Variants in PDE4A observed in about 807,000 individuals in gnomAD.
PDE4A encodes the protein 3',5'-cyclic-AMP phosphodiesterase 4A.
In PDE4A, 21 loss-of-function variants were observed where a neutral mutation model predicts 73.9. The observed-to-expected ratio is 0.28, with a 90% CI of 0.20 to 0.41. The LOEUF is 0.41. Ranked by LOEUF, PDE4A falls within the 10% of genes least tolerant of loss-of-function variation. The probability of loss-of-function intolerance (pLI) is 1.00; values close to 1 mark genes in which losing one functional copy is unlikely to be tolerated. For missense variants in PDE4A, 958 were observed against 1,211.4 expected (o/e 0.79, Z 3.10); for synonymous variants, 463 against 505.4 (o/e 0.92, Z 1.13).
Position 10,467,197 on chromosome 19 carries a change from T to C in PDE4A, c.2237T>C (p.Leu746Pro). The change falls in exon 15 of 15, where the codon CTG (leucine) becomes CCG (proline). Residue 746 changes from leucine to proline, a missense_variant. Coordinates refer to ENST00000380702, the MANE Select transcript of PDE4A (RefSeq NM_001111307.2). ...AQGLSGVEEA[L>P]DATIAWEASP... The stretch of plus-strand genomic sequence containing the variant: ...GGATTGTCAGGAGTCGAGGAAGCTC[T>C]GGATGCAACCATAGCCTGGGAGGCA... 6.2e-7 allele frequency: 1 copy of C among 1,614,090 alleles called. No homozygotes were observed. Among genetic ancestry groups the C allele is most frequent in the South Asian group, 1.1e-5 (1 of 91,078 alleles).
Position 10,453,348 on chromosome 19 carries a change from G to A in PDE4A, c.784-1481G>A. 1.2e-6 allele frequency: 2 copies of A among 1,607,114 alleles called. No homozygotes were observed. The highest frequency in any genetic ancestry group is 1.7e-6 in the Non-Finnish European group (2 of 1,177,796). On this transcript the variant is annotated intron_variant, in intron 6 of 14. Coordinates refer to ENST00000380702, the MANE Select transcript of PDE4A (RefSeq NM_001111307.2). The surrounding 1 kb of genome is among the most constrained non-coding windows in gnomAD (Gnocchi z 4.6). ...GGACCAGGTAGGAGAGTGCAGGGTA[G>A]GGGGTGGGCGGGCATCCTGGTGAGC...
Position 10,467,427 on chromosome 19 carries a change from G to T in PDE4A, c.2467G>T (p.Ala823Ser). ...GGCTCTTCAAAGCCCCCTTCTCCCT[G>T]CTTGGAGGACCCTGTCTGTTTCAGA... ...ALALQSPLLP[A>S]WRTLSVSEHA... Residue 823 changes from alanine (A) to serine (S), a missense_variant, in exon 15 of 15, where the codon GCT becomes TCT. Around this residue, in one of 3 missense-constraint regions of PDE4A, gnomAD observed 243 missense variants for 245.9 expected, o/e 0.99. Coordinates refer to ENST00000380702, the MANE Select transcript of PDE4A (RefSeq NM_001111307.2). 1 of 1,613,808 alleles carries T rather than the reference G, an allele frequency of 6.2e-7. No homozygotes were observed. Among genetic ancestry groups the T allele is most frequent in the Non-Finnish European group, 8.5e-7 (1 of 1,179,830 alleles).
At chr19:10,460,522 G>A (rs1033993607) in intron 10 of PDE4A, among the ~76,000 whole-genome samples, 28 of 150,732 alleles carry the variant, frequency 1.9e-4, no homozygotes, top group African/African-American at 5.4e-4. Context: ...TAAAAATTGC[G>A]GGGGGCTAGG....
Position 10,467,555 on chromosome 19 carries a change from A to G in PDE4A, c.2595A>G (p.Thr865=), listed in dbSNP as rs950963771. 12 of 1,609,702 alleles carry G rather than the reference A, an allele frequency of 7.5e-6. No homozygotes were observed. The highest frequency in any genetic ancestry group is 3.3e-5 in the Admixed American group (2 of 59,784). ...AKRACSACAG[T]FGEDTSALPA... is the part of the protein sequence containing the mutation. ...GGGCTTGCAGTGCCTGCGCAGGGAC[A>G]TTTGGGGAGGACACATCCGCACTCC... Residue 865 remains threonine, a synonymous_variant, in exon 15 of 15, where the codon ACA becomes ACG. Coordinates refer to ENST00000380702, the MANE Select transcript of PDE4A (RefSeq NM_001111307.2).
At chr19:10,440,637 C>A (rs981967840) in intron 1 of PDE4A, among the ~76,000 whole-genome samples, 1 of 152,034 alleles carries the variant, frequency 6.6e-6, no homozygotes, top group Admixed American at 6.6e-5. Flanking sequence ...CTCGCTCTGT[C>A]ATCCAGGCTG....
intron 14 of PDE4A, among the ~76,000 whole-genome samples, chr19:10,466,273 C>T (rs1196560229): frequency 2.0e-5 from 3 of 149,332 alleles, no homozygotes; most frequent in African/African-American, 4.9e-5. Flanking sequence ...AGTGAAACCC[C>T]GTCTCTACTA....
chr19:10,442,566 C>A (rs1199421368), intron 1 of PDE4A, among the ~76,000 whole-genome samples: 3 of 151,812 alleles, frequency 2.0e-5, no homozygotes, highest in Non-Finnish European at 4.4e-5. Flanking sequence ...AGAAGACACG[C>A]TTTAGGCATA....
chr19:10,467,486 G>A lies in PDE4A; in HGVS notation c.2526G>A (p.Thr842=), dbSNP rs1276838752. 20 of 1,612,650 alleles carry A rather than the reference G, an allele frequency of 1.2e-5. No individual in the cohort carries two copies. The highest frequency in any genetic ancestry group is 1.6e-5 in the Non-Finnish European group (19 of 1,179,736). ...CGGGCCTCCCGGGCCTCCCCTCCAC[G>A]GCGGCCGAGGTGGAGGCCCAACGAG... ...HAPGLPGLPS[T]AAEVEAQREH... Residue 842 remains threonine, a synonymous_variant, in exon 15 of 15, where the codon ACG becomes ACA. Transcript: ENST00000380702.
chr19:10,460,032 C>G (rs567524054), intron 10 of PDE4A, among the ~76,000 whole-genome samples: 209 of 152,164 alleles, frequency 1.4e-3, no homozygotes, highest in African/African-American at 4.7e-3. Context: ...AGGTGCCCAC[C>G]ACCACGCCTG....
intron 14 of PDE4A, 129 bp from the exon 15 acceptor site, chr19:10,466,758 T>G: frequency 7.1e-7 from 1 of 1,415,992 alleles, no homozygotes; most frequent in East Asian, 2.3e-5. Context: ...CCTCCCAAAG[T>G]GCTGGGATTA....
rs200613062 is a variant in PDE4A, at chr19:10,459,549, G to A, written c.1201-46G>A. On this transcript the variant is annotated intron_variant, in intron 9 of 14. Coordinates refer to ENST00000380702, the MANE Select transcript of PDE4A (RefSeq NM_001111307.2). ...CCGGGTGAGGGGCTCATAGCGGGGC[G>A]CTGGAGGCCGGTGGAGGTCACCACC... 39 of 1,610,904 alleles carry A rather than the reference G, an allele frequency of 2.4e-5. No homozygotes were observed. The East Asian group carries it at 2.9e-4, about 12-fold the overall frequency.
At position 10,437,273 on chromosome 19, in the gene PDE4A, A is replaced by T. The variant is rs146768345; in HGVS notation, c.321-8945A>T. On this transcript the variant is annotated intron_variant, in intron 1 of 14. Coordinates refer to ENST00000380702, the MANE Select transcript of PDE4A (RefSeq NM_001111307.2). ...TGAGTAGCTGAGATCACAGGCGCAC[A>T]CCAGCACGCCAAGCTAATTTTTGTA... 3.1e-3 allele frequency among the ~76,000 whole-genome samples: 475 copies of T among 152,220 alleles called. 10 individuals carry two copies. The highest frequency in any genetic ancestry group is 0.027 in the East Asian group (138 of 5,168).
At chr19:10,452,022 TGTGTGTGTG>T (rs961823389) in intron 6 of PDE4A, among the ~76,000 whole-genome samples, 4 of 46,612 alleles carry the variant, frequency 8.6e-5, no homozygotes, top group African/African-American at 5.6e-4. Flanking sequence ...TCTGCAATGG[TGTGTGTGTG>T]TGTGTGTGTG....
chr19:10,461,128 G>A (rs754041362), intron 11 of PDE4A, 25 bp downstream of exon 11: 17 of 1,601,718 alleles, frequency 1.1e-5, no homozygotes, highest in South Asian at 3.3e-5. Flanking sequence ...CCAGGGGCGG[G>A]GTTTGCTGAG....
chr19:10,438,061 G>A (rs2042888574), intron 1 of PDE4A, among the ~76,000 whole-genome samples: 1 of 151,622 alleles, frequency 6.6e-6, no homozygotes, highest in Middle Eastern at 3.4e-3. Context: ...CTCCCGCGTG[G>A]GCCTCCCAAA....
Position 10,467,241 on chromosome 19 carries a change from T to C in PDE4A, c.2281T>C (p.Leu761=), listed in dbSNP as rs1210044470. The stretch of plus-strand genomic sequence containing the variant: ...GGAGGCATCCCCGGCCCAGGAGTCG[T>C]TGGAAGTTATGGCACAGGAAGCATC... ...AWEASPAQES[L]EVMAQEASLE... The change falls in exon 15 of 15, where the codon TTG becomes CTG. Residue 761 remains leucine, a synonymous_variant. Transcript: ENST00000380702. 6.2e-7 allele frequency: 1 copy of C among 1,613,968 alleles called. No homozygotes were observed. Among genetic ancestry groups the C allele is most frequent in the Non-Finnish European group, 8.5e-7 (1 of 1,179,988 alleles).
chr19:10,469,502 C>G lies in PDE4A; in HGVS notation c.*1881C>G, dbSNP rs201445920. 2 of 152,410 alleles carry G rather than the reference C, an allele frequency of 1.3e-5. No homozygotes were observed. Among genetic ancestry groups the G allele is most frequent in the Non-Finnish European group, 2.9e-5 (2 of 68,118 alleles). The allele number at this position is 152,410 out of a possible 1,614,324, so 9.4% of individuals were successfully genotyped here. A position where few individuals can be genotyped will look rare whatever the true frequency, so the allele number is the denominator to read the frequency against. On this transcript the variant is annotated 3_prime_UTR_variant, in exon 15 of 15. Transcript: ENST00000380702. ...GACAGACCCACCCCCAAGCAGGGCT[C>G]CTCTCCCCAGGGTGAGCACAGGACC...
chr19:10,456,894 A>G (rs1008380193), intron 7 of PDE4A, among the ~76,000 whole-genome samples: 6 of 152,078 alleles, frequency 3.9e-5, no homozygotes, highest in Non-Finnish European at 5.9e-5. Context: ...AACCGCCCAG[A>G]CAAGCTCAAG....
rs957894848 is a variant in PDE4A at position 10,453,097 on chromosome 19, C to T, written c.784-1732C>T. On this transcript the variant is annotated intron_variant, in intron 6 of 14. Transcript: ENST00000380702. The surrounding 1 kb of genome is among the most constrained non-coding windows in gnomAD (Gnocchi z 4.6). ...GTAACCAGGGCTGCTGCTGGGAGCG[C>T]GGAGGGGAAGGGAGCCCCCAGCCCT... The T allele has an allele frequency of 3.7e-6, 5 of 1,353,642 alleles. No homozygotes were observed. Among genetic ancestry groups the T allele is most frequent in the South Asian group, 3.5e-5 (2 of 56,358 alleles). 83.9% of individuals were successfully genotyped at this position (1,353,642 alleles called of 1,614,324 possible).
Sources: gnomAD v4.1 joint callset for allele counts (sites outside exome capture counted in the v4.1 genomes callset) on GRCh38, gnomAD v4.1.1 for gene constraint, gnomAD v4.1.1 regional missense constraint, Gnocchi (gnomAD v3.1) non-coding constraint, MANE v1.5 for transcripts, NCBI Gene and HGNC (gene_info 2026-07-23, HGNC 2026-07-21) for gene names.